PCBP3: variants seen among roughly 807,000 people sequenced by gnomAD.
PCBP3 encodes poly(rC) binding protein 3, also known as poly(rC)-binding protein 3.
A neutral mutation model predicts 52.7 loss-of-function variants in PCBP3; 25 were observed. The observed-to-expected ratio is 0.47, with a 90% CI of 0.35 to 0.66. PCBP3 has a LOEUF of 0.66. Ranked by LOEUF, PCBP3 falls within the 30% of genes least tolerant of loss-of-function variation. The pLI is 0.01. For synonymous variants in PCBP3, 162 were observed against 183.0 expected (o/e 0.89, Z 0.93); for missense variants, 391 against 490.3 (o/e 0.80, Z 1.91).
rs2085879287 is a variant in PCBP3, at chr21:45,736,501, T to G, written c.-162+1072T>G. On this transcript the variant is annotated intron_variant, in intron 3 of 17. Coordinates refer to ENST00000681687, the MANE Select transcript of PCBP3 (RefSeq NM_001384156.1). The surrounding 1 kb of genome is among the most constrained non-coding windows in gnomAD (Gnocchi z 4.6). Reference sequence around the variant, plus strand: ...GGCCCCGCCTACTAACTTCCAGAGATGTCAGCTGCAGCAGGGCAGCGCCCT... The same window carrying G: ...GGCCCCGCCTACTAACTTCCAGAGAGGTCAGCTGCAGCAGGGCAGCGCCCT... Among the ~76,000 whole-genome samples, 1 of 152,042 alleles carries G rather than the reference T, an allele frequency of 6.6e-6. No individual in the cohort carries two copies. Among genetic ancestry groups the G allele is most frequent in the South Asian group, 2.1e-4 (1 of 4,814 alleles).
intron 2 of PCBP3, among the ~76,000 whole-genome samples, chr21:45,714,739 G>C (rs2084094261): frequency 1.3e-5 from 2 of 152,206 alleles, no homozygotes; most frequent in Non-Finnish European, 1.5e-5. Context: ...AGCTTGGCAG[G>C]CATGAAGTCA....
At position 45,930,809 on chromosome 21, in the gene PCBP3, T is replaced by C. The variant is rs771830068; in HGVS notation, c.820T>C (p.Ser274Pro). 1 of 1,530,682 alleles carries C rather than the reference T, an allele frequency of 6.5e-7. No homozygotes were observed. The highest frequency in any genetic ancestry group is 1.1e-5 in the South Asian group (1 of 89,510). 94.8% of individuals were successfully genotyped at this position (1,530,682 alleles called of 1,614,324 possible). Reference sequence around the variant, plus strand: ...AGGAGAAAAGCTGCCTTTACACTCCTCCGAAGAAGCTCAAAATCTGATGGG... The same window carrying C: ...AGGAGAAAAGCTGCCTTTACACTCCCCCGAAGAAGCTCAAAATCTGATGGG... ...FPGEKLPLHS[S>P]EEAQNLMGQS... The change falls in exon 15 of 18, where the codon TCC becomes CCC. Residue 274 changes from serine to proline, a missense_variant. Ser to Pro is a moderately conservative substitution (Grantham distance 74). Transcript: ENST00000681687.
At chr21:45,672,257 C>G (rs533640373) in intron 2 of PCBP3, among the ~76,000 whole-genome samples, 5 of 152,294 alleles carry the variant, frequency 3.3e-5, no homozygotes, top group Non-Finnish European at 7.4e-5. Context: ...CTAGATTCTC[C>G]TCCTTGACCT....
Position 45,851,635 on chromosome 21 carries a change from ATAGATAGG to A in PCBP3, c.10+1543_10+1550del, listed in dbSNP as rs1034597680. ...GATGGATGGATAGATAGATAGATAGATAGATAGGTAAAGAAATAACCATAGATACAGCC... is the reference window on the plus strand; with the variant it reads ...GATGGATGGATAGATAGATAGATAGATAAAGAAATAACCATAGATACAGCC... On this transcript the variant is annotated intron_variant, in intron 5 of 17. Coordinates refer to ENST00000681687, the MANE Select transcript of PCBP3 (RefSeq NM_001384156.1). Among the ~76,000 whole-genome samples the A allele has an allele frequency of 7.4e-5, 11 of 149,120 alleles. No individual in the cohort carries two copies. In the South Asian group the frequency reaches 1.1e-3, roughly 15 times the overall value.
intron 1 of PCBP3, among the ~76,000 whole-genome samples, chr21:45,649,394 C>G (rs1282385303): frequency 6.6e-6 from 1 of 152,148 alleles, no homozygotes; most frequent in African/African-American, 2.4e-5. Flanking sequence ...ATATCCTCCT[C>G]TTTAAAAAAT....
chr21:45,809,759 C>T (rs921184947), intron 4 of PCBP3, among the ~76,000 whole-genome samples: 6 of 152,208 alleles, frequency 3.9e-5, no homozygotes, highest in African/African-American at 1.4e-4. Flanking sequence ...ATCAGAGACC[C>T]TCACAGGAAG....
chr21:45,774,065 G>T (rs1369548415), intron 4 of PCBP3, among the ~76,000 whole-genome samples: 1 of 152,134 alleles, frequency 6.6e-6, no homozygotes. Context: ...GATTTTGTAT[G>T]TTGATTTTGT....
chr21:45,766,357 G>A (rs2089319814), intron 4 of PCBP3, among the ~76,000 whole-genome samples: 1 of 152,222 alleles, frequency 6.6e-6, no homozygotes, highest in Admixed American at 6.5e-5. Flanking sequence ...AGGTGATTAA[G>A]GTTACTGAGG....
intron 4 of PCBP3, among the ~76,000 whole-genome samples, chr21:45,764,852 G>A (rs555584921): frequency 6.6e-6 from 1 of 152,236 alleles, no homozygotes; most frequent in Non-Finnish European, 1.5e-5. Flanking sequence ...GGAGACAGAT[G>A]TGCGCTTCCT....
Position 45,736,279 on chromosome 21 carries a change from T to C in PCBP3, c.-162+850T>C, listed in dbSNP as rs913669247. Among the ~76,000 whole-genome samples the C allele has an allele frequency of 1.3e-5, 2 of 152,188 alleles. No homozygotes were observed. Among genetic ancestry groups the C allele is most frequent in the African/African-American group, 4.8e-5 (2 of 41,444 alleles). ...GGCGAGGTGAAGTAACTCACTCAGG[T>C]TATCTTGGTGCCAGTGGTGGGGCTG... On this transcript the variant is annotated intron_variant, in intron 3 of 17. Transcript: ENST00000681687. This position sits in a 1 kb window ranked among gnomAD's most constrained non-coding sequence, Gnocchi z 4.6.
chr21:45,754,169 A>T (rs1357429298), intron 3 of PCBP3, among the ~76,000 whole-genome samples: 1 of 152,174 alleles, frequency 6.6e-6, no homozygotes, highest in Admixed American at 6.5e-5. Flanking sequence ...AAATATTGGC[A>T]TGTGGCATAG....
chr21:45,650,913 G>T (rs142312235), intron 1 of PCBP3, among the ~76,000 whole-genome samples: 2 of 152,144 alleles, frequency 1.3e-5, no homozygotes, highest in African/African-American at 4.8e-5. Flanking sequence ...CCTAATTTCA[G>T]ATGGGGCGGG....
Position 45,821,840 on chromosome 21 carries a change from G to A in PCBP3, c.-125-28121G>A, listed in dbSNP as rs559032161. On this transcript the variant is annotated intron_variant, in intron 4 of 17. Transcript: ENST00000681687. This position sits in a 1 kb window ranked among gnomAD's most constrained non-coding sequence, Gnocchi z 4.4. ...CCCAGCCCTGGCCCTTCGAGCTTCC[G>A]TCCTGCAAGCACCGGCAGTGTCAGG... Among the ~76,000 whole-genome samples, 19 of 152,310 alleles carry A rather than the reference G, an allele frequency of 1.2e-4. No individual in the cohort carries two copies. The highest frequency in any genetic ancestry group is 4.1e-4 in the South Asian group (2 of 4,826).
intron 9 of PCBP3, among the ~76,000 whole-genome samples, chr21:45,909,051 A>G (rs1351607865): frequency 6.6e-6 from 1 of 151,988 alleles, no homozygotes; most frequent in Admixed American, 6.6e-5. Context: ...CACTTCCTGT[A>G]TCAGCCTGTC....
At chr21:45,889,364 G>A (rs1170090724) in intron 5 of PCBP3, among the ~76,000 whole-genome samples, 1 of 152,236 alleles carries the variant, frequency 6.6e-6, no homozygotes, top group South Asian at 2.1e-4. Flanking sequence ...TGTCAGGACC[G>A]TCTTCTCTAC....
chr21:45,903,875 G>A (rs546296613), intron 9 of PCBP3, among the ~76,000 whole-genome samples: 3 of 152,294 alleles, frequency 2.0e-5, no homozygotes, highest in Admixed American at 2.0e-4. Context: ...TCAGTTTGAG[G>A]TCCTGTGTGG....
intron 1 of PCBP3, among the ~76,000 whole-genome samples, chr21:45,651,021 A>AT (rs2079648626): frequency 1.3e-5 from 2 of 152,164 alleles, no homozygotes; most frequent in Non-Finnish European, 2.9e-5. Context: ...GTGGGAACAG[A>AT]TTCTTCCCGT....
chr21:45,675,454 G>A (rs965552258), intron 2 of PCBP3, among the ~76,000 whole-genome samples: 27 of 152,188 alleles, frequency 1.8e-4, no homozygotes, highest in Non-Finnish European at 3.5e-4. Flanking sequence ...CTATGAAGCC[G>A]GAAGGGAGCT....
chr21:45,720,541 TA>T (rs2084555353), intron 2 of PCBP3, among the ~76,000 whole-genome samples: 1 of 152,260 alleles, frequency 6.6e-6, no homozygotes, highest in Non-Finnish European at 1.5e-5. Flanking sequence ...AATCAATTTT[TA>T]AAAACAATTT....
Sources: gnomAD v4.1 joint callset for allele counts (sites outside exome capture counted in the v4.1 genomes callset) on GRCh38, gnomAD v4.1.1 for gene constraint, Gnocchi (gnomAD v3.1) non-coding constraint, MANE v1.5 for transcripts, NCBI Gene and HGNC (gene_info 2026-07-23, HGNC 2026-07-21) for gene names.